Variants in ZNF518A observed in about 807,000 individuals in gnomAD.
The protein encoded by ZNF518A is zinc finger protein 518A.
A neutral mutation model predicts 102.7 loss-of-function variants in ZNF518A; 47 were observed. The observed-to-expected ratio is 0.46, with a 90% confidence interval of 0.36 to 0.58. The LOEUF is 0.58. ZNF518A is among the 20% of genes least tolerant of loss of function. The pLI is 0.00. For synonymous variants in ZNF518A, 652 were observed against 594.6 expected (o/e 1.10, Z -1.40); for missense variants, 1,793 against 1,699.8 (o/e 1.05, Z -0.96).
intron 3 of ZNF518A, among the ~76,000 whole-genome samples, chr10:96,148,564 TG>T (rs2082279916): frequency 9.3e-3 from 1 of 108 alleles, no homozygotes; most frequent in Non-Finnish European, 0.029. Context: ...AGTAATCCTC[TG>T]GCCTGTCTGC....
chr10:96,175,762 T>C (rs1255437931), intron 1 of ZNF518A, among the ~76,000 whole-genome samples: 2 of 152,098 alleles, frequency 1.3e-5, no homozygotes, highest in African/African-American at 4.8e-5. Context: ...AGGAAGACCA[T>C]ATATTTGTCT....
chr10:96,157,377 A>G lies in ZNF518A; in HGVS notation c.1055A>G (p.Asn352Ser). ...EKNTQVLKKM[N>S]KTQTKSEDQS... ...AACACTCAAGTGCTTAAGAAAATGA[A>G]CAAAACACAGACTAAATCTGAAGAC... The change falls in exon 6 of 6, where the codon AAC (asparagine) becomes AGC (serine). Residue 352 changes from asparagine to serine, a missense_variant. Around this residue, in one of 3 missense-constraint regions of ZNF518A, gnomAD observed 1,741 missense variants for 1,622.6 expected, o/e 1.07. Transcript: ENST00000316045. 1 of 1,611,300 alleles carries G rather than the reference A, an allele frequency of 6.2e-7. No homozygotes were observed. Among genetic ancestry groups the G allele is most frequent in the Non-Finnish European group, 8.5e-7 (1 of 1,178,574 alleles).
Position 96,157,915 on chromosome 10 carries a change from G to A in ZNF518A, c.1593G>A (p.Met531Ile), listed in dbSNP as rs1479805433. The A allele has an allele frequency of 9.3e-6, 15 of 1,613,616 alleles. No homozygotes were observed. In the African/African-American group the frequency reaches 1.6e-4, roughly 17 times the overall value. The change falls in exon 6 of 6, where the codon ATG becomes ATA. Residue 531 changes from methionine to isoleucine, a missense_variant. Physicochemically the swap from Met to Ile is conservative, Grantham distance 10. Around this residue, in one of 3 missense-constraint regions of ZNF518A, gnomAD observed 1,741 missense variants for 1,622.6 expected, o/e 1.07. Coordinates refer to ENST00000316045, the MANE Select transcript of ZNF518A (RefSeq NM_001330736.2). ...GGAAAGCAAGTTCAGAAAAAGAAAT[G>A]ACTTTGATATCTCAAAGGAATAATA... is the stretch of plus-strand genomic sequence containing the variant. ...LSGKASSEKE[M>I]TLISQRNNML...
intron 1 of ZNF518A, among the ~76,000 whole-genome samples, chr10:96,194,768 ATT>A (rs71034364): frequency 1.9e-4 from 21 of 110,274 alleles, no homozygotes; most frequent in Admixed American, 3.3e-4. Context: ...AGAAATGCAA[ATT>A]TTTTTTTTTT....
At chr10:96,138,934 CG>C (rs1460641605) in intron 3 of ZNF518A, among the ~76,000 whole-genome samples, 2 of 141,064 alleles carry the variant, frequency 1.4e-5, no homozygotes, top group East Asian at 4.3e-4. Context: ...GATAAAGTGG[CG>C]AATTTTTTTT....
At position 96,157,137 on chromosome 10, in the gene ZNF518A, C is replaced by T; in HGVS notation, c.815C>T (p.Thr272Ile). ...FTCQYCSYGA[T>I]RREHLVRHVI... ...TGTCAATATTGTAGCTATGGTGCCACCAGGAGAGAACACCTTGTAAGACAT... is the reference window on the plus strand; with the variant it reads ...TGTCAATATTGTAGCTATGGTGCCATCAGGAGAGAACACCTTGTAAGACAT... Residue 272 changes from threonine to isoleucine, a missense_variant, in exon 6 of 6, where the codon ACC becomes ATC. Thr to Ile is a moderately conservative substitution (Grantham distance 89). This residue lies in a region of ZNF518A where 1,741 missense variants were observed against 1,622.6 expected (regional missense o/e 1.07). Coordinates refer to ENST00000316045, the MANE Select transcript of ZNF518A (RefSeq NM_001330736.2). 1.2e-6 allele frequency: 2 copies of T among 1,613,550 alleles called. No homozygotes were observed. The highest frequency in any genetic ancestry group is 8.5e-7 in the Non-Finnish European group (1 of 1,179,728).
rs1554886701 is a variant in ZNF518A, at chr10:96,159,975, C to A, written c.3653C>A (p.Ser1218Tyr). Reference protein sequence around the residue: ...ITSTATCPESSEEPICVSDCS... With the variant: ...ITSTATCPESYEEPICVSDCS... Reference sequence around the variant, plus strand: ...TCTACTGCAACATGCCCAGAATCTTCTGAGGAACCAATATGTGTCAGTGAC... The same window carrying A: ...TCTACTGCAACATGCCCAGAATCTTATGAGGAACCAATATGTGTCAGTGAC... Residue 1218 changes from serine (S) to tyrosine (Y), a missense_variant, in exon 6 of 6, where the codon TCT (serine) becomes TAT (tyrosine). Physicochemically the swap from Ser to Tyr is moderately radical, Grantham distance 144 (BLOSUM62 -2). Coordinates refer to ENST00000316045, the MANE Select transcript of ZNF518A (RefSeq NM_001330736.2). The A allele has an allele frequency of 1.2e-6, 2 of 1,613,540 alleles. No homozygotes were observed. The highest frequency in any genetic ancestry group is 1.7e-5 in the Admixed American group (1 of 59,978).
chr10:96,204,227 T>G, downstream of ZNF518A: 1 of 963,166 alleles, frequency 1.0e-6, no homozygotes, highest in Non-Finnish European at 1.6e-6. Flanking sequence ...TATCTAAAGA[T>G]AAAAGAGCCA....
chr10:96,179,176 A>G (rs2083223696), intron 1 of ZNF518A, among the ~76,000 whole-genome samples: 1 of 152,172 alleles, frequency 6.6e-6, no homozygotes, highest in Non-Finnish European at 1.5e-5. Flanking sequence ...AAAACCCAGC[A>G]ATATATAAAA....
intron 3 of ZNF518A, among the ~76,000 whole-genome samples, 183 bp downstream of exon 3, chr10:96,133,831 A>G (rs1419907572): frequency 1.3e-5 from 2 of 152,232 alleles, no homozygotes; most frequent in African/African-American, 4.8e-5. Context: ...CAAAGGCATG[A>G]ATTTTTATTT....
chr10:96,137,210 C>T lies in ZNF518A; in HGVS notation c.-302+3562C>T, dbSNP rs11188623. Among the ~76,000 whole-genome samples the T allele has an allele frequency of 0.03, 4,623 of 152,182 alleles. 761 individuals carry two copies. In the East Asian group the frequency reaches 0.49, roughly 16 times the overall value. ...TTCAGCTCGTTCACTAGATTCCGTC[C>T]GTTCTAACCTGAAGGACTTCACTGC... On this transcript the variant is annotated intron_variant, in intron 3 of 5. Coordinates refer to ENST00000316045, the MANE Select transcript of ZNF518A (RefSeq NM_001330736.2).
At chr10:96,135,793 T>C (rs80165861) in intron 3 of ZNF518A, among the ~76,000 whole-genome samples, 1 of 152,208 alleles carries the variant, frequency 6.6e-6, no homozygotes, top group East Asian at 1.9e-4. Flanking sequence ...TAGGAATTCA[T>C]ATTAATATAC....
intron 3 of ZNF518A, among the ~76,000 whole-genome samples, chr10:96,154,528 C>G (rs1290603183): frequency 6.6e-6 from 1 of 151,464 alleles, no homozygotes; most frequent in East Asian, 1.9e-4. Context: ...GATTGTAGAG[C>G]CTTCAATTAG....
chr10:96,190,327 G>A, intron 1 of ZNF518A: 1 of 574,024 alleles, frequency 1.7e-6, no homozygotes, highest in East Asian at 3.3e-5. Flanking sequence ...TATTGTTCCT[G>A]TGTGTCTCTT....
chr10:96,162,702 C>CA lies in ZNF518A; in HGVS notation c.*1929dup, dbSNP rs1249644477. 1.2e-5 allele frequency: 2 copies of CA among 165,904 alleles called. No homozygotes were observed. Among genetic ancestry groups the CA allele is most frequent in the African/African-American group, 4.8e-5 (2 of 41,424 alleles). 10.3% of individuals were successfully genotyped at this position (165,904 alleles called of 1,614,324 possible). On this transcript the variant is annotated 3_prime_UTR_variant, in exon 6 of 6. Transcript: ENST00000316045. ...AAGCATTGTTAATTTCTGTAATGAA[C>CA]ATTTTCAATTAAATTTATCTTGTTT...
At chr10:96,204,686 T>A, downstream of ZNF518A, 1 of 1,505,392 alleles carries the variant, frequency 6.6e-7, no homozygotes, top group South Asian at 1.1e-5. Context: ...CCCAGCAACA[T>A]CAGCTGAGAA....
chr10:96,148,747 G>A lies in ZNF518A; in HGVS notation c.-301-6579G>A, dbSNP rs587641206. Among the ~76,000 whole-genome samples, 19 of 152,188 alleles carry A rather than the reference G, an allele frequency of 1.2e-4. No homozygotes were observed. In the East Asian group the frequency reaches 3.7e-3, roughly 29 times the overall value. Reference sequence around the variant, plus strand: ...AGAATTTTTTTTGAGACGGAGTCTCGCCCTGTCGCCCAGGCTGGAGTGCAG... The same window carrying A: ...AGAATTTTTTTTGAGACGGAGTCTCACCCTGTCGCCCAGGCTGGAGTGCAG... On this transcript the variant is annotated intron_variant, in intron 3 of 5. Transcript: ENST00000316045.
chr10:96,182,968 G>C (rs2083248948), intron 1 of ZNF518A, among the ~76,000 whole-genome samples: 1 of 152,120 alleles, frequency 6.6e-6, no homozygotes, highest in Non-Finnish European at 1.5e-5. Flanking sequence ...TCTTTTGGTT[G>C]GTAGGCTATT....
chr10:96,145,412 A>C (rs2082125834), intron 3 of ZNF518A, among the ~76,000 whole-genome samples: 1 of 152,252 alleles, frequency 6.6e-6, no homozygotes, highest in Admixed American at 6.5e-5. Flanking sequence ...CATAACTGCT[A>C]TTCTGGTTGT....
Sources: allele counts gnomAD v4.1 joint callset (sites outside exome capture counted in the v4.1 genomes callset), GRCh38; gene constraint gnomAD v4.1.1; regional missense constraint gnomAD v4.1.1; transcripts MANE v1.5; gene names NCBI Gene and HGNC (gene_info 2026-07-23, HGNC 2026-07-21).